Variants in DOCK3 observed in about 807,000 individuals in gnomAD.
DOCK3 encodes dedicator of cytokinesis protein 3.
Under a neutral mutation model 265.6 loss-of-function variants are expected in DOCK3, and 60 were observed. That is an observed-to-expected ratio of 0.23 (90% CI 0.18 to 0.28). The LOEUF (loss-of-function observed/expected upper bound fraction) is 0.28. DOCK3 is among the 10% of genes least tolerant of loss of function. The pLI is 1.00. For missense variants in DOCK3, 1,981 were observed against 2,594.3 expected, an observed-to-expected ratio of 0.76 and a Z score of 5.14; for synonymous variants, 881 against 938.0, an observed-to-expected ratio of 0.94 and a Z score of 1.11.
intron 12 of DOCK3, among the ~76,000 whole-genome samples, chr3:51,162,715 G>C (rs1217974948): frequency 6.6e-6 from 1 of 152,196 alleles, no homozygotes; most frequent in African/African-American, 2.4e-5. Flanking sequence ...CATTCCTCCT[G>C]AAATCATGCT....
chr3:50,836,014 A>C (rs1232726004), intron 2 of DOCK3, among the ~76,000 whole-genome samples: 2 of 152,200 alleles, frequency 1.3e-5, no homozygotes, highest in Non-Finnish European at 2.9e-5. Flanking sequence ...TTCCTACCAA[A>C]GTATATTTTG....
chr3:50,930,516 C>T (rs1028078128), intron 4 of DOCK3, among the ~76,000 whole-genome samples: 15 of 152,194 alleles, frequency 9.9e-5, no homozygotes, highest in African/African-American at 2.9e-4. Flanking sequence ...CATGCAGCCC[C>T]GCTGCACTCC....
In DOCK3 at chr3:51,358,005, G is replaced by A. The variant is rs765953114; in HGVS notation, c.4812G>A (p.Val1604=). 6 of 1,614,000 alleles carry A rather than the reference G, an allele frequency of 3.7e-6. No individual in the cohort carries two copies. Among genetic ancestry groups the A allele is most frequent in the South Asian group, 1.1e-5 (1 of 91,082 alleles). ...GGCTAGCAGTTCATGAGAAGTTTGT[G>A]CACCCAGAAATGCGGCCTCTGCATA... ...GVGLAVHEKF[V]HPEMRPLHKK... is the part of the protein sequence containing the mutation. Residue 1604 remains valine (V), a synonymous_variant, in exon 46 of 53, where the codon GTG becomes GTA. Transcript: ENST00000266037.
chr3:50,716,779 T>A (rs1206575804), intron 1 of DOCK3, among the ~76,000 whole-genome samples: 2 of 151,850 alleles, frequency 1.3e-5, no homozygotes, highest in Admixed American at 6.6e-5. Flanking sequence ...TGACTTTTTT[T>A]AAATTTGGAT....
intron 5 of DOCK3, among the ~76,000 whole-genome samples, chr3:51,010,189 C>T (rs887902751): frequency 3.3e-5 from 5 of 152,110 alleles, no homozygotes; most frequent in East Asian, 1.9e-4. Context: ...TTTTCTGTCT[C>T]GCTGATCTGT....
intron 9 of DOCK3, among the ~76,000 whole-genome samples, chr3:51,102,774 A>T (rs187178214): frequency 7.9e-5 from 12 of 152,350 alleles, no homozygotes; most frequent in Non-Finnish European, 4.4e-5. Context: ...AGAAATTTAG[A>T]ATTTCAAATA....
chr3:50,937,369 A>G (rs577772967), intron 5 of DOCK3, among the ~76,000 whole-genome samples: 1 of 147,980 alleles, frequency 6.8e-6, no homozygotes, highest in South Asian at 2.2e-4. Flanking sequence ...GTATTAAAAC[A>G]TTCGGCTGGG....
chr3:51,078,735 C>CA (rs1375139557), intron 7 of DOCK3, among the ~76,000 whole-genome samples: 1 of 152,152 alleles, frequency 6.6e-6, no homozygotes, highest in Non-Finnish European at 1.5e-5. Context: ...TTTGGTCACT[C>CA]AGAGTCTCAA....
chr3:50,712,116 C>T (rs999396877), intron 1 of DOCK3, among the ~76,000 whole-genome samples: 3 of 152,112 alleles, frequency 2.0e-5, no homozygotes, highest in African/African-American at 7.2e-5. Context: ...TTTCAAAAAA[C>T]CAACTTTCAG....
At chr3:51,214,952 G>A (rs192148216) in intron 14 of DOCK3, among the ~76,000 whole-genome samples, 1 of 152,284 alleles carries the variant, frequency 6.6e-6, no homozygotes, top group East Asian at 1.9e-4. Context: ...AGAGCCAAGG[G>A]GGCTATCAGG....
intron 5 of DOCK3, among the ~76,000 whole-genome samples, chr3:51,038,996 A>C (rs2080376673): frequency 6.6e-6 from 1 of 151,298 alleles, no homozygotes; most frequent in Admixed American, 6.6e-5. Flanking sequence ...ATTTAATTTT[A>C]TTATTATTAT....
chr3:51,271,577 C>G (rs2080497689), intron 24 of DOCK3, among the ~76,000 whole-genome samples: 1 of 152,112 alleles, frequency 6.6e-6, no homozygotes, highest in Admixed American at 6.5e-5. Flanking sequence ...AGAGAAGGGA[C>G]TATCTCAAGG....
At chr3:50,855,302 A>C (rs1035292999) in intron 3 of DOCK3, among the ~76,000 whole-genome samples, 1 of 152,068 alleles carries the variant, frequency 6.6e-6, no homozygotes, top group African/African-American at 2.4e-5. Flanking sequence ...GATTACTTTC[A>C]TTAGTGTTTT....
chr3:50,708,408 G>T (rs991256480), intron 1 of DOCK3, among the ~76,000 whole-genome samples: 3 of 152,184 alleles, frequency 2.0e-5, no homozygotes, highest in African/African-American at 7.2e-5. Context: ...AGGGGACCTG[G>T]TTGCACTGCT....
At chr3:50,687,722 G>C (rs1295528077) in intron 1 of DOCK3, among the ~76,000 whole-genome samples, 1 of 152,200 alleles carries the variant, frequency 6.6e-6, no homozygotes, top group Admixed American at 6.5e-5. Flanking sequence ...TCTTTGACCT[G>C]AGTAGTGAAA....
intron 9 of DOCK3, among the ~76,000 whole-genome samples, chr3:51,141,075 G>GT (rs145040513): frequency 0.046 from 6,945 of 152,010 alleles, 576 homozygotes; most frequent in African/African-American, 0.16. Context: ...ATGCACAATA[G>GT]TTTTTTACTG....
intron 2 of DOCK3, among the ~76,000 whole-genome samples, chr3:50,803,329 G>A (rs1160638962): frequency 1.3e-5 from 2 of 152,166 alleles, no homozygotes; most frequent in African/African-American, 4.8e-5. Flanking sequence ...ATCTTGGACC[G>A]CCCTTAATCC....
chr3:50,809,689 T>C (rs560399528), intron 2 of DOCK3, among the ~76,000 whole-genome samples: 1 of 152,308 alleles, frequency 6.6e-6, no homozygotes, highest in East Asian at 1.9e-4. Flanking sequence ...GGTATATTCA[T>C]ACAACTGAAT....
chr3:51,379,534 C>T (rs1173107320), intron 51 of DOCK3: 3 of 985,362 alleles, frequency 3.0e-6, no homozygotes, highest in Non-Finnish European at 3.6e-6. Flanking sequence ...TGGGGCGCAT[C>T]CTGGCCCCCC....
Sources: gnomAD v4.1 joint callset for allele counts (sites outside exome capture counted in the v4.1 genomes callset) on GRCh38, gnomAD v4.1.1 for gene constraint, MANE v1.5 for transcripts, NCBI Gene and HGNC (gene_info 2026-07-23, HGNC 2026-07-21) for gene names.